Variants in ST6GALNAC3 observed in about 807,000 individuals in gnomAD.
ST6GALNAC3 encodes the protein alpha-N-acetylgalactosaminide alpha-2,6-sialyltransferase 3.
A neutral mutation model predicts 32.7 loss-of-function variants in ST6GALNAC3; 25 were observed. The observed-to-expected ratio is 0.76, with a 90% confidence interval of 0.56 to 1.07. ST6GALNAC3 has a LOEUF of 1.07. Among genes scored for constraint, ST6GALNAC3 ranks in the 50% least tolerant of loss-of-function variants. The pLI is 0.00. For synonymous variants in ST6GALNAC3, 129 were observed against 133.1 expected (o/e 0.97, Z 0.21); for missense variants, 355 against 382.4 (o/e 0.93, Z 0.60).
intron 1 of ST6GALNAC3, among the ~76,000 whole-genome samples, chr1:76,115,526 T>C (rs1168203803): frequency 2.0e-5 from 3 of 152,242 alleles, no homozygotes; most frequent in Non-Finnish European, 4.4e-5. Context: ...GTTTTGATTT[T>C]AGGTTAAAAA....
At chr1:76,555,145 T>G (rs948266298) in intron 3 of ST6GALNAC3, among the ~76,000 whole-genome samples, 4 of 152,174 alleles carry the variant, frequency 2.6e-5, no homozygotes, top group Non-Finnish European at 1.5e-5. Context: ...GCTAGAAATG[T>G]CAGCTTATTA....
chr1:76,598,144 C>G (rs1327276166), intron 3 of ST6GALNAC3, among the ~76,000 whole-genome samples: 1 of 152,070 alleles, frequency 6.6e-6, no homozygotes, highest in Non-Finnish European at 1.5e-5. Flanking sequence ...AGAGAGCTCC[C>G]TGAGATCTCT....
intron 3 of ST6GALNAC3, among the ~76,000 whole-genome samples, chr1:76,485,316 C>G (rs914361775): frequency 1.3e-5 from 2 of 152,052 alleles, no homozygotes; most frequent in African/African-American, 4.8e-5. Flanking sequence ...CCTCCTTGTA[C>G]CTCTGGTAGA....
rs539662206 is a variant in ST6GALNAC3, at chr1:76,173,940, G to C, written c.18+99056G>C. On this transcript the variant is annotated intron_variant, in intron 1 of 4. Coordinates refer to ENST00000328299, the MANE Select transcript of ST6GALNAC3 (RefSeq NM_152996.4). ...GAAGACAGTGTGGTGATTCCTCAAT[G>C]ATCTAGAACCAGAAATACCATTTGA... Among the ~76,000 whole-genome samples, 5 of 152,266 alleles carry C rather than the reference G, an allele frequency of 3.3e-5. No individual in the cohort carries two copies. The South Asian group carries it at 1.0e-3, about 32-fold the overall frequency.
chr1:76,112,924 C>G (rs1467544039), intron 1 of ST6GALNAC3, among the ~76,000 whole-genome samples: 1 of 152,078 alleles, frequency 6.6e-6, no homozygotes, highest in Admixed American at 6.5e-5. Context: ...CTCCTCACTT[C>G]CCAGACGGGG....
At chr1:76,528,110 C>A (rs528644516) in intron 3 of ST6GALNAC3, among the ~76,000 whole-genome samples, 1 of 152,192 alleles carries the variant, frequency 6.6e-6, no homozygotes, top group East Asian at 1.9e-4. Flanking sequence ...ATCTAGAATT[C>A]TTAAGTTTAT....
At chr1:76,422,051 CTTAT>C (rs1165004073) in intron 3 of ST6GALNAC3, among the ~76,000 whole-genome samples, 1 of 151,688 alleles carries the variant, frequency 6.6e-6, no homozygotes, top group Non-Finnish European at 1.5e-5. Flanking sequence ...ATATAATATA[CTTAT>C]TTATTTTAAT....
intron 3 of ST6GALNAC3, among the ~76,000 whole-genome samples, chr1:76,531,607 C>T (rs1207258636): frequency 3.3e-5 from 5 of 152,218 alleles, no homozygotes; most frequent in Non-Finnish European, 5.9e-5. Context: ...TTTTTTCCCC[C>T]TCATTGACTG....
intron 2 of ST6GALNAC3, among the ~76,000 whole-genome samples, chr1:76,399,603 A>G (rs1401255380): frequency 6.6e-6 from 1 of 152,210 alleles, no homozygotes; most frequent in African/African-American, 2.4e-5. Context: ...GTAGAGTTCC[A>G]TGGAAGAAAT....
intron 1 of ST6GALNAC3, chr1:76,309,970 TCA>T (rs1351902939): frequency 2.0e-6 from 1 of 497,668 alleles, no homozygotes; most frequent in Admixed American, 2.1e-5. Flanking sequence ...TATTTTTCTC[TCA>T]CGTATGCATA....
Position 76,412,342 on chromosome 1 carries a change from C to A in ST6GALNAC3, c.548C>A (p.Ala183Asp). 2 of 1,613,132 alleles carry A rather than the reference C, an allele frequency of 1.2e-6. No individual in the cohort carries two copies. The highest frequency in any genetic ancestry group is 1.7e-6 in the Non-Finnish European group (2 of 1,179,630). The change falls in exon 3 of 5, where the codon GCC becomes GAC. Residue 183 changes from alanine (A) to aspartate (D), a missense_variant. Coordinates refer to ENST00000328299, the MANE Select transcript of ST6GALNAC3 (RefSeq NM_152996.4). ...AAGACAGTTGGTATCTATCCGAATG[C>A]CCAAATATACGTGACCACAGAGAAG... ...LKKTVGIYPN[A>D]QIYVTTEKRM...
At chr1:76,532,191 C>T (rs184837402) in intron 3 of ST6GALNAC3, among the ~76,000 whole-genome samples, 2 of 152,216 alleles carry the variant, frequency 1.3e-5, no homozygotes, top group Non-Finnish European at 1.5e-5. Flanking sequence ...TTTATAGCTA[C>T]GTAGGAAACT....
chr1:76,185,419 A>G (rs185302515), intron 1 of ST6GALNAC3, among the ~76,000 whole-genome samples: 11 of 152,234 alleles, frequency 7.2e-5, no homozygotes, highest in Admixed American at 2.0e-4. Flanking sequence ...CCTTTTCTTT[A>G]TTTTGTTCTT....
At chr1:76,530,466 G>A (rs1663184909) in intron 3 of ST6GALNAC3, among the ~76,000 whole-genome samples, 1 of 152,156 alleles carries the variant, frequency 6.6e-6, no homozygotes, top group Non-Finnish European at 1.5e-5. Flanking sequence ...GCCACATGAA[G>A]AAAGTCCAGC....
intron 3 of ST6GALNAC3, among the ~76,000 whole-genome samples, chr1:76,576,493 T>C (rs1266861964): frequency 1.3e-5 from 2 of 152,202 alleles, no homozygotes; most frequent in African/African-American, 2.4e-5. Flanking sequence ...CCAAGGAATC[T>C]TGGCAGTCTA....
At chr1:76,377,178 A>C (rs140711728) in intron 2 of ST6GALNAC3, among the ~76,000 whole-genome samples, 135 of 152,336 alleles carry the variant, frequency 8.9e-4, no homozygotes, top group African/African-American at 2.7e-3. Flanking sequence ...TTGAATAAGA[A>C]GAAAGGATTA....
chr1:76,290,752 T>C (rs1360315935), intron 1 of ST6GALNAC3, among the ~76,000 whole-genome samples: 1 of 152,218 alleles, frequency 6.6e-6, no homozygotes, highest in Non-Finnish European at 1.5e-5. Context: ...ACTGATTTCC[T>C]AGCAGTAACA....
chr1:76,593,837 A>G (rs1247210582), intron 3 of ST6GALNAC3, among the ~76,000 whole-genome samples: 3 of 152,174 alleles, frequency 2.0e-5, no homozygotes, highest in Admixed American at 1.3e-4. Context: ...TGGTTTCAGT[A>G]TGATGTAAGA....
chr1:76,171,242 G>C (rs1293369179), intron 1 of ST6GALNAC3, among the ~76,000 whole-genome samples: 3 of 152,138 alleles, frequency 2.0e-5, no homozygotes, highest in African/African-American at 7.2e-5. Context: ...CTCTAGTGAA[G>C]CTATTGATGT....
Sources: gnomAD v4.1 joint callset for allele counts (sites outside exome capture counted in the v4.1 genomes callset) on GRCh38, gnomAD v4.1.1 for gene constraint, MANE v1.5 for transcripts, NCBI Gene and HGNC (gene_info 2026-07-23, HGNC 2026-07-21) for gene names.